Variants in GALNT14 observed in about 807,000 individuals in gnomAD.
GALNT14 encodes polypeptide N-acetylgalactosaminyltransferase 14, also known as UDP-GalNAc:polypeptide N-acetylgalactosaminyltransferase 14.
GALNT14 carries 60 observed loss-of-function variants against 77.5 expected under a neutral mutation model. The ratio of observed to expected loss-of-function variants is 0.77; its 90% CI spans 0.63 to 0.96. GALNT14 has a LOEUF of 0.96. Ranked by LOEUF, GALNT14 falls within the 40% of genes least tolerant of loss-of-function variation. The probability of loss-of-function intolerance (pLI) is 0.00; values close to 1 mark genes in which losing one functional copy is unlikely to be tolerated. For synonymous variants in GALNT14, 280 were observed against 281.7 expected, an observed-to-expected ratio of 0.99 and a Z score of 0.06; for missense variants, 710 against 731.0, an observed-to-expected ratio of 0.97 and a Z score of 0.33.
chr2:31,035,300 A>T (rs770801221), intron 1 of GALNT14, among the ~76,000 whole-genome samples: 2 of 151,964 alleles, frequency 1.3e-5, no homozygotes, highest in Admixed American at 6.5e-5. Flanking sequence ...ATATGTTCAC[A>T]TTTGTTATGT....
intron 1 of GALNT14, among the ~76,000 whole-genome samples, chr2:31,063,622 T>A (rs955485981): frequency 1.2e-4 from 18 of 152,356 alleles, no homozygotes; most frequent in Non-Finnish European, 2.1e-4. Context: ...TTGATGGGAA[T>A]TGCATTGAAT....
intron 9 of GALNT14, among the ~76,000 whole-genome samples, chr2:30,939,787 G>C (rs1396685019): frequency 6.6e-6 from 1 of 152,046 alleles, no homozygotes; most frequent in East Asian, 1.9e-4. Context: ...CTGGAGCCAG[G>C]ACTCCTTTCT....
chr2:31,120,022 A>G lies in GALNT14; in HGVS notation c.129+17936T>C, dbSNP rs1020051464. 1.2e-4 allele frequency among the ~76,000 whole-genome samples: 15 copies of G among 123,132 alleles called. 3 individuals are homozygous for G. The highest frequency in any genetic ancestry group is 9.9e-4 in the Admixed American group (11 of 11,080). The allele number at this position is 123,132 out of a possible 152,430, so 80.8% of individuals were successfully genotyped here. On this transcript the variant is annotated intron_variant, in intron 1 of 14. Coordinates refer to ENST00000349752, the MANE Select transcript of GALNT14 (RefSeq NM_024572.4). ...ATACAAAAAATTAGCCGGGCGTGGTAGCGGGCGCCTGTAGTCCCAGCTACT... is the reference window on the plus strand; with the variant it reads ...ATACAAAAAATTAGCCGGGCGTGGTGGCGGGCGCCTGTAGTCCCAGCTACT...
At chr2:31,127,313 G>A (rs931132755) in intron 1 of GALNT14, among the ~76,000 whole-genome samples, 4 of 152,160 alleles carry the variant, frequency 2.6e-5, no homozygotes, top group Non-Finnish European at 5.9e-5. Flanking sequence ...CCTGCCACCT[G>A]TCCTAGTACA....
At chr2:30,922,398 T>C (rs1411957017) in intron 13 of GALNT14, among the ~76,000 whole-genome samples, 1 of 152,254 alleles carries the variant, frequency 6.6e-6, no homozygotes. Context: ...GAACAAAACA[T>C]AACCTCTTCA....
chr2:30,896,276 T>C, the GALNT14 span, among the ~76,000 whole-genome samples: 1 of 152,226 alleles, frequency 6.6e-6, no homozygotes, highest in Non-Finnish European at 1.5e-5. Flanking sequence ...AGTCAGCTCA[T>C]GAAAGTGTTT....
chr2:30,918,835 G>A lies in GALNT14; in HGVS notation c.1380+5284C>T, dbSNP rs572600798. On this transcript the variant is annotated intron_variant, in intron 13 of 14. Transcript: ENST00000349752. ...GTGTGTGGGCTGGGAGGGTGGCATC[G>A]GGCAGGGAAGGTGGCATCAGGCGGG... 1.4e-4 allele frequency among the ~76,000 whole-genome samples: 21 copies of A among 147,698 alleles called. 1 individual carries two copies. Among genetic ancestry groups the A allele is most frequent in the East Asian group, 6.1e-4 (3 of 4,908 alleles).
At position 30,953,756 on chromosome 2, in the gene GALNT14, T is replaced by C. The variant is rs1667185476; in HGVS notation, c.654+1862A>G. Among the ~76,000 whole-genome samples, 3 of 152,218 alleles carry C rather than the reference T, an allele frequency of 2.0e-5. No homozygotes were observed. In the South Asian group the frequency reaches 6.2e-4, roughly 32 times the overall value. Reference sequence around the variant, plus strand: ...TTACTAAGCAGGGTATGGATACCTTTTACACAGCCCATTCCAACCCTTGGG... The same window carrying C: ...TTACTAAGCAGGGTATGGATACCTTCTACACAGCCCATTCCAACCCTTGGG... On this transcript the variant is annotated intron_variant, in intron 6 of 14. Coordinates refer to ENST00000349752, the MANE Select transcript of GALNT14 (RefSeq NM_024572.4).
At chr2:30,943,110 G>T (rs1666479016) in intron 8 of GALNT14, among the ~76,000 whole-genome samples, 1 of 152,194 alleles carries the variant, frequency 6.6e-6, no homozygotes, top group Admixed American at 6.5e-5. Flanking sequence ...CTTAATCTCG[G>T]ACCTCTCCTC....
At chr2:30,937,416 C>A (rs888122947) in intron 9 of GALNT14, among the ~76,000 whole-genome samples, 20 of 152,220 alleles carry the variant, frequency 1.3e-4, no homozygotes, top group Admixed American at 3.9e-4. Flanking sequence ...AAGGTGTCAA[C>A]AGGATGGCTT....
intron 1 of GALNT14, among the ~76,000 whole-genome samples, chr2:31,076,612 C>CATATATATATATATAT (rs59824499): frequency 1.4e-5 from 2 of 143,332 alleles, no homozygotes; most frequent in African/African-American, 5.1e-5. Context: ...GGTGTGTATA[C>CATATATATATATATAT]ATATATATAT....
intron 1 of GALNT14, among the ~76,000 whole-genome samples, chr2:31,119,508 T>A (rs188436659): frequency 6.6e-6 from 1 of 152,156 alleles, no homozygotes; most frequent in Non-Finnish European, 1.5e-5. Context: ...TACAATTGGA[T>A]CCCGTTTCAT....
intron 1 of GALNT14, among the ~76,000 whole-genome samples, chr2:31,024,019 T>C (rs1671893988): frequency 6.6e-6 from 1 of 152,132 alleles, no homozygotes; most frequent in African/African-American, 2.4e-5. Flanking sequence ...GGTCTTGGTT[T>C]CCCTCTGGAC....
chr2:31,013,639 T>C (rs1456074910), intron 1 of GALNT14, among the ~76,000 whole-genome samples: 2 of 152,224 alleles, frequency 1.3e-5, no homozygotes, highest in African/African-American at 4.8e-5. Context: ...ACAGCACCTA[T>C]GAGCCCATTT....
At chr2:31,127,852 C>G (rs1193298902) in intron 1 of GALNT14, among the ~76,000 whole-genome samples, 1 of 152,162 alleles carries the variant, frequency 6.6e-6, no homozygotes, top group African/African-American at 2.4e-5. Flanking sequence ...TCAGGGCTTC[C>G]AAGTGGAGAG....
intron 13 of GALNT14, among the ~76,000 whole-genome samples, chr2:30,923,347 A>G (rs1194676350): frequency 1.3e-5 from 2 of 152,134 alleles, no homozygotes; most frequent in Non-Finnish European, 2.9e-5. Context: ...TACAGGCGTG[A>G]GCCACCGTAC....
intron 9 of GALNT14, among the ~76,000 whole-genome samples, chr2:30,933,643 C>T (rs552564877): frequency 1.3e-5 from 2 of 152,242 alleles, no homozygotes; most frequent in East Asian, 1.9e-4. Flanking sequence ...AGGGTGGGGA[C>T]CATGTAGACT....
intron 13 of GALNT14, among the ~76,000 whole-genome samples, chr2:30,918,902 G>T (rs1005864096): frequency 6.6e-6 from 1 of 151,952 alleles, no homozygotes; most frequent in African/African-American, 2.4e-5. Context: ...GGGCAGGGAG[G>T]GTGGTGTGCA....
intron 1 of GALNT14, among the ~76,000 whole-genome samples, chr2:31,006,271 G>A (rs533793567): frequency 1.3e-5 from 2 of 152,160 alleles, no homozygotes; most frequent in African/African-American, 4.8e-5. Context: ...GGGAAGCCAG[G>A]CGAAAGAACT....
Sources: gnomAD v4.1 joint callset for allele counts (sites outside exome capture counted in the v4.1 genomes callset) on GRCh38, gnomAD v4.1.1 for gene constraint, MANE v1.5 for transcripts, NCBI Gene and HGNC (gene_info 2026-07-23, HGNC 2026-07-21) for gene names.